The following MGAT4D variants were observed in gnomAD, a reference collection of about 807,000 sequenced individuals.
MGAT4D encodes alpha-1,3-mannosyl-glycoprotein 4-beta-N-acetylglucosaminyltransferase-like protein MGAT4D.
A neutral mutation model predicts 15.9 loss-of-function variants in MGAT4D; 34 were observed. The ratio of observed to expected loss-of-function variants is 2.14; its 90% confidence interval spans 1.62 to 2.84. MGAT4D has a LOEUF of 2.84. Ranked by LOEUF, MGAT4D falls within the 30% of genes most tolerant of loss-of-function variation. The probability of loss-of-function intolerance (pLI) is 0.00; values close to 1 mark genes in which losing one functional copy is unlikely to be tolerated. For missense variants in MGAT4D, 327 were observed against 140.2 expected (o/e 2.33, Z -6.73); for synonymous variants, 112 against 48.2 (o/e 2.33, Z -5.49).
chr4:140,446,129 TTG>T (rs1368472140), intron 10 of MGAT4D, among the ~76,000 whole-genome samples: 1 of 138,624 alleles, frequency 7.2e-6, no homozygotes, highest in Non-Finnish European at 1.5e-5. Flanking sequence ...TGAAGTTTTT[TTG>T]TTGTTGTTGT....
chr4:140,480,728 AACACACACACACACACACACACACAC>A (rs10615827), intron 2 of MGAT4D, among the ~76,000 whole-genome samples: 83 of 125,684 alleles, frequency 6.6e-4, no homozygotes, highest in African/African-American at 1.9e-3. Flanking sequence ...CTCATCTCTA[AACACACACACACACACACACACACAC>A]ACACACACAC....
At chr4:140,488,659 C>T (rs1733302009) in intron 1 of MGAT4D, among the ~76,000 whole-genome samples, 1 of 152,074 alleles carries the variant, frequency 6.6e-6, no homozygotes, top group South Asian at 2.1e-4. Context: ...AAAACAACAC[C>T]ATAAGTGCAT....
At position 140,491,066 on chromosome 4, in the gene MGAT4D, T is replaced by C. The variant is rs180750807; in HGVS notation, c.94+7063A>G. Among the ~76,000 whole-genome samples, 4 of 152,330 alleles carry C rather than the reference T, an allele frequency of 2.6e-5. No homozygotes were observed. In the East Asian group the frequency reaches 7.7e-4, roughly 29 times the overall value. Reference sequence around the variant, plus strand: ...ACAAGTCTAGTACAATTTAACTCCATTTCCCTCTCTTACCTTTTCTTGTAA... The same window carrying C: ...ACAAGTCTAGTACAATTTAACTCCACTTCCCTCTCTTACCTTTTCTTGTAA... On this transcript the variant is annotated intron_variant, in intron 1 of 10. Transcript: ENST00000511113.
At chr4:140,462,947 A>G (rs1238869996) in intron 6 of MGAT4D, among the ~76,000 whole-genome samples, 3 of 152,078 alleles carry the variant, frequency 2.0e-5, no homozygotes, top group Admixed American at 2.0e-4. Flanking sequence ...GAATTCACAA[A>G]CCCTTTGAAA....
chr4:140,458,805 A>T (rs1730976160), intron 8 of MGAT4D: 1 of 152,208 alleles, frequency 6.6e-6, no homozygotes, highest in Admixed American at 6.5e-5. Flanking sequence ...AGAGTGAACA[A>T]TATATTGAAG....
intron 10 of MGAT4D, among the ~76,000 whole-genome samples, chr4:140,449,804 G>A (rs2126674497): frequency 6.6e-6 from 1 of 151,852 alleles, no homozygotes; most frequent in Non-Finnish European, 1.5e-5. Context: ...AATTTAACTA[G>A]TTAAAGAACA....
At chr4:140,486,296 C>T (rs1733125323) in intron 1 of MGAT4D, among the ~76,000 whole-genome samples, 1 of 152,142 alleles carries the variant, frequency 6.6e-6, no homozygotes, top group South Asian at 2.1e-4. Flanking sequence ...GACATTACCA[C>T]CTCAGGGAAG....
At chr4:140,454,609 T>C (rs1199771339) in intron 9 of MGAT4D, among the ~76,000 whole-genome samples, 1 of 152,190 alleles carries the variant, frequency 6.6e-6, no homozygotes, top group African/African-American at 2.4e-5. Flanking sequence ...TAATGCCAGC[T>C]TCATGAAAAG....
intron 1 of MGAT4D, among the ~76,000 whole-genome samples, chr4:140,495,388 G>A (rs1168081760): frequency 1.3e-5 from 2 of 152,016 alleles, no homozygotes; most frequent in African/African-American, 4.8e-5. Context: ...TTTACTTCCC[G>A]TAAGCAGAAT....
intron 10 of MGAT4D, among the ~76,000 whole-genome samples, chr4:140,448,098 T>C (rs996194657): frequency 2.0e-5 from 3 of 152,188 alleles, no homozygotes; most frequent in African/African-American, 7.2e-5. Context: ...GGGGTTCCCT[T>C]TACAGGTTAC....
At chr4:140,448,638 T>C (rs1190133366) in intron 10 of MGAT4D, among the ~76,000 whole-genome samples, 2 of 152,242 alleles carry the variant, frequency 1.3e-5, no homozygotes, top group African/African-American at 2.4e-5. Context: ...GGATTAAGTA[T>C]TAACATTCTC....
At chr4:140,458,137 T>C (rs1409073055) in intron 8 of MGAT4D, 1 of 152,224 alleles carries the variant, frequency 6.6e-6, no homozygotes, top group Admixed American at 6.5e-5. Context: ...CTTAGAGCTA[T>C]GTGAATCCTC....
At chr4:140,488,201 T>A (rs1386325852) in intron 1 of MGAT4D, among the ~76,000 whole-genome samples, 1 of 152,218 alleles carries the variant, frequency 6.6e-6, no homozygotes, top group Non-Finnish European at 1.5e-5. Context: ...TGCCCTGGTC[T>A]ACCAGGTCCT....
chr4:140,475,952 CAGGCA>C (rs1297388110), intron 3 of MGAT4D, among the ~76,000 whole-genome samples: 1 of 151,638 alleles, frequency 6.6e-6, no homozygotes, highest in Non-Finnish European at 1.5e-5. Context: ...GCTGGGATTA[CAGGCA>C]TGCACCACCA....
chr4:140,496,105 G>A (rs965228131), intron 1 of MGAT4D, among the ~76,000 whole-genome samples: 1 of 152,064 alleles, frequency 6.6e-6, no homozygotes, highest in African/African-American at 2.4e-5. Context: ...TCTAATAAAC[G>A]TTCCCAAATT....
At chr4:140,492,026 C>T (rs1453889487) in intron 1 of MGAT4D, among the ~76,000 whole-genome samples, 4 of 152,160 alleles carry the variant, frequency 2.6e-5, no homozygotes, top group African/African-American at 9.7e-5. Context: ...TCTGAGTTCA[C>T]CCTATGACTG....
intron 1 of MGAT4D, among the ~76,000 whole-genome samples, chr4:140,486,515 G>T (rs1053286013): frequency 6.6e-6 from 1 of 151,840 alleles, no homozygotes; most frequent in African/African-American, 2.4e-5. Flanking sequence ...AACAGGCCCC[G>T]GTGTGTGATG....
chr4:140,462,101 A>G lies in MGAT4D; in HGVS notation c.687-97T>C, dbSNP rs750084243. ...TAAAAAACTCTTTGGCAGTTTACTA[A>G]CAGTACTAGCTACAATTAAGTAACT... On this transcript the variant is annotated intron_variant, in intron 6 of 10. Transcript: ENST00000511113. 271 of 619,328 alleles carry G rather than the reference A, an allele frequency of 4.4e-4. 1 individual carries two copies. The highest frequency in any genetic ancestry group is 5.6e-4 in the Non-Finnish European group (191 of 343,688). The allele number at this position is 619,328 out of a possible 1,614,324, so 38.4% of individuals were successfully genotyped here. A position where few individuals can be genotyped will look rare whatever the true frequency, so the allele number is the denominator to read the frequency against.
At chr4:140,490,758 A>T (rs1733450292) in intron 1 of MGAT4D, among the ~76,000 whole-genome samples, 2 of 152,232 alleles carry the variant, frequency 1.3e-5, no homozygotes, top group African/African-American at 2.4e-5. Context: ...CAGCTACATC[A>T]ACTTTATTTT....
Sources: gnomAD v4.1 joint callset for allele counts (sites outside exome capture counted in the v4.1 genomes callset) on GRCh38, gnomAD v4.1.1 for gene constraint, MANE v1.5 for transcripts, NCBI Gene and HGNC (gene_info 2026-07-23, HGNC 2026-07-21) for gene names.